The following EBF1 variants were observed in gnomAD, a reference collection of about 807,000 sequenced individuals.
EBF1 encodes transcription factor COE1.
A neutral mutation model predicts 68.4 loss-of-function variants in EBF1; 10 were observed. The observed-to-expected ratio is 0.15, with a 90% confidence interval of 0.09 to 0.25. The LOEUF (loss-of-function observed/expected upper bound fraction) is 0.25. Among genes scored for constraint, EBF1 ranks in the 10% least tolerant of loss-of-function variants. The pLI, the probability that EBF1 is intolerant of heterozygous loss-of-function variation, is 1.00. For synonymous variants in EBF1, 298 were observed against 299.8 expected, an observed-to-expected ratio of 0.99 and a Z score of 0.06; for missense variants, 509 against 794.4, an observed-to-expected ratio of 0.64 and a Z score of 4.32.
intron 2 of EBF1, among the ~76,000 whole-genome samples, chr5:159,096,762 T>C (rs534811435): frequency 6.7e-6 from 1 of 150,244 alleles, no homozygotes; most frequent in African/African-American, 2.5e-5. Flanking sequence ...TGCCTCTCTC[T>C]AGCTCTGGGG....
chr5:158,817,601 CT>C lies in EBF1; in HGVS notation c.778+5574del, dbSNP rs1194378479. On this transcript the variant is annotated intron_variant, in intron 8 of 15. Coordinates refer to ENST00000313708, the MANE Select transcript of EBF1 (RefSeq NM_024007.5). ...TCCTTTTCCTCAAAAATTACCCAGTCTGTTAAAGCAACAGAAAACAGACTAA... is the reference window on the plus strand; with the variant it reads ...TCCTTTTCCTCAAAAATTACCCAGTCGTTAAAGCAACAGAAAACAGACTAA... Among the ~76,000 whole-genome samples, 5 of 152,186 alleles carry C rather than the reference CT, an allele frequency of 3.3e-5. No homozygotes were observed. In the East Asian group the frequency reaches 7.7e-4, roughly 23 times the overall value.
intron 15 of EBF1, among the ~76,000 whole-genome samples, chr5:158,700,732 C>T (rs988089302): frequency 6.6e-6 from 1 of 151,894 alleles, no homozygotes; most frequent in Non-Finnish European, 1.5e-5. Context: ...AAATTCAATC[C>T]ACATGTTTCT....
In EBF1 at chr5:159,066,375, T is replaced by A. The variant is rs1776801536; in HGVS notation, c.554+7021A>T. Among the ~76,000 whole-genome samples the A allele has an allele frequency of 5.9e-5, 9 of 152,304 alleles. No individual in the cohort carries two copies. The South Asian group carries it at 1.9e-3, about 32-fold the overall frequency. The stretch of plus-strand genomic sequence containing the variant: ...GTCATGACAAGTAGGGTTTAGGGCA[T>A]GTTTGCAACTGGAACCAAGCACTTC... On this transcript the variant is annotated intron_variant, in intron 6 of 15. Coordinates refer to ENST00000313708, the MANE Select transcript of EBF1 (RefSeq NM_024007.5).
intron 10 of EBF1, among the ~76,000 whole-genome samples, chr5:158,737,440 C>A (rs1225433185): frequency 1.3e-5 from 2 of 151,720 alleles, no homozygotes; most frequent in African/African-American, 2.4e-5. Context: ...CCCACCACCA[C>A]GCCCAGCTAA....
chr5:158,909,035 A>G (rs1016859992), intron 6 of EBF1, among the ~76,000 whole-genome samples: 1 of 152,172 alleles, frequency 6.6e-6, no homozygotes, highest in Non-Finnish European at 1.5e-5. Context: ...TGTGAAACAC[A>G]AGCTGTGACC....
intron 6 of EBF1, among the ~76,000 whole-genome samples, chr5:158,945,440 T>C (rs1315686121): frequency 6.6e-6 from 1 of 152,240 alleles, no homozygotes; most frequent in Non-Finnish European, 1.5e-5. Flanking sequence ...TATATCTGTT[T>C]TGGTACTGGT....
At chr5:158,801,355 C>A (rs1780542892) in intron 8 of EBF1, among the ~76,000 whole-genome samples, 1 of 152,078 alleles carries the variant, frequency 6.6e-6, no homozygotes, top group Non-Finnish European at 1.5e-5. Context: ...CTATGCCCTG[C>A]CTGTTTGAGG....
At chr5:158,943,319 G>A (rs1006693862) in intron 6 of EBF1, among the ~76,000 whole-genome samples, 1 of 129,968 alleles carries the variant, frequency 7.7e-6, no homozygotes, top group Non-Finnish European at 1.7e-5. Context: ...CATTTAGCAA[G>A]TGTTTATTGG....
At chr5:158,855,419 C>T (rs1386606903) in intron 6 of EBF1, among the ~76,000 whole-genome samples, 1 of 152,176 alleles carries the variant, frequency 6.6e-6, no homozygotes, top group African/African-American at 2.4e-5. Context: ...TGGTCAGGGT[C>T]ACCCAGCTGA....
intron 6 of EBF1, among the ~76,000 whole-genome samples, chr5:159,069,938 G>T (rs1203030815): frequency 6.6e-6 from 1 of 152,146 alleles, no homozygotes; most frequent in Non-Finnish European, 1.5e-5. Context: ...TTCTAAACAT[G>T]AAGTTTATTG....
intron 6 of EBF1, among the ~76,000 whole-genome samples, chr5:159,050,732 G>T (rs950060385): frequency 7.9e-5 from 12 of 152,226 alleles, no homozygotes; most frequent in African/African-American, 2.7e-4. Flanking sequence ...GCTGGGTTCA[G>T]CCAGGAGCCC....
intron 10 of EBF1, among the ~76,000 whole-genome samples, chr5:158,759,932 A>C (rs1364969593): frequency 6.6e-6 from 1 of 151,008 alleles, no homozygotes; most frequent in East Asian, 2.0e-4. Context: ...CCTCCAAAAA[A>C]AAAATAATGT....
intron 9 of EBF1, among the ~76,000 whole-genome samples, chr5:158,779,718 G>C (rs1301657578): frequency 6.6e-6 from 1 of 152,144 alleles, no homozygotes; most frequent in Admixed American, 6.6e-5. Flanking sequence ...TTAGTAAATA[G>C]ATGGATGAAG....
At chr5:158,991,866 C>A (rs1006239562) in intron 6 of EBF1, among the ~76,000 whole-genome samples, 2 of 151,998 alleles carry the variant, frequency 1.3e-5, no homozygotes, top group African/African-American at 4.8e-5. Context: ...CTGAACAAAG[C>A]CCCTCCCTGC....
intron 6 of EBF1, among the ~76,000 whole-genome samples, chr5:158,882,672 T>C (rs1799114699): frequency 6.6e-6 from 1 of 152,204 alleles, no homozygotes; most frequent in Non-Finnish European, 1.5e-5. Flanking sequence ...AGGAAAGTAA[T>C]GGTCAACAAC....
At chr5:158,893,277 A>C (rs1801542735) in intron 6 of EBF1, among the ~76,000 whole-genome samples, 1 of 152,222 alleles carries the variant, frequency 6.6e-6, no homozygotes. Flanking sequence ...AAAATACTCA[A>C]CTTGACTCTG....
At chr5:159,060,571 C>CT (rs1003716691) in intron 6 of EBF1, among the ~76,000 whole-genome samples, 93 of 151,170 alleles carry the variant, frequency 6.2e-4, no homozygotes, top group African/African-American at 1.9e-3. Flanking sequence ...GTCTTTTATC[C>CT]TTTTTTTTTC....
intron 8 of EBF1, among the ~76,000 whole-genome samples, chr5:158,815,676 C>CACCT (rs1487650673): frequency 1.2e-4 from 18 of 152,134 alleles, no homozygotes. Context: ...GAACATAGAT[C>CACCT]ACCTGCTCAT....
rs536609627 is a variant in EBF1 at position 159,098,161 on chromosome 5, A to C, written c.135-1031T>G. Among the ~76,000 whole-genome samples the C allele has an allele frequency of 4.6e-5, 7 of 152,344 alleles. No individual in the cohort carries two copies. In the South Asian group the frequency reaches 1.0e-3, roughly 23 times the overall value. On this transcript the variant is annotated intron_variant, in intron 1 of 15. Coordinates refer to ENST00000313708, the MANE Select transcript of EBF1 (RefSeq NM_024007.5). Reference sequence around the variant, plus strand: ...TCTGAGTCCGATAGGGCCTGGGGCCACCAGATCTCCCACTGTCCCAAGCTC... The same window carrying C: ...TCTGAGTCCGATAGGGCCTGGGGCCCCCAGATCTCCCACTGTCCCAAGCTC...
Sources: allele counts gnomAD v4.1 joint callset (sites outside exome capture counted in the v4.1 genomes callset), GRCh38; gene constraint gnomAD v4.1.1; transcripts MANE v1.5; gene names NCBI Gene and HGNC (gene_info 2026-07-23, HGNC 2026-07-21).